The following PIK3CG variants were observed in gnomAD, a reference collection of about 807,000 sequenced individuals.
The protein encoded by PIK3CG is phosphatidylinositol 4,5-bisphosphate 3-kinase catalytic subunit gamma isoform.
A neutral mutation model predicts 102.3 loss-of-function variants in PIK3CG; 55 were observed. The ratio of observed to expected loss-of-function variants is 0.54; its 90% CI spans 0.43 to 0.67. PIK3CG has a LOEUF of 0.67. PIK3CG is among the 30% of genes least tolerant of loss of function. The pLI is 0.00. For missense variants in PIK3CG, 1,258 were observed against 1,391.8 expected, an observed-to-expected ratio of 0.90 and a Z score of 1.53; for synonymous variants, 552 against 540.0, an observed-to-expected ratio of 1.02 and a Z score of -0.31.
intron 10 of PIK3CG, among the ~76,000 whole-genome samples, chr7:106,900,659 C>A (rs764213666): frequency 1.3e-4 from 20 of 152,254 alleles, no homozygotes; most frequent in South Asian, 4.2e-4. Context: ...TGACACTGGT[C>A]TGTGTGTTTA....
intron 5 of PIK3CG, among the ~76,000 whole-genome samples, chr7:106,876,382 A>T (rs1161947801): frequency 1.4e-5 from 2 of 145,554 alleles, no homozygotes; most frequent in Non-Finnish European, 3.0e-5. Flanking sequence ...CCAGTTTTTT[A>T]GGTGGGTTGC....
Position 106,891,222 on chromosome 7 carries a change from G to T in PIK3CG, c.3030+4930G>T, listed in dbSNP as rs543332701. ...TGGATCAAACTGGATAACCTCTGGG[G>T]TGTCTTCCTTCCATATCATACATTG... On this transcript the variant is annotated intron_variant, in intron 10 of 10. Coordinates refer to ENST00000496166, the MANE Select transcript of PIK3CG (RefSeq NM_001282426.2). The surrounding 1 kb of genome is among the most constrained non-coding windows in gnomAD (Gnocchi z 4.4). Among the ~76,000 whole-genome samples, 4 of 152,240 alleles carry T rather than the reference G, an allele frequency of 2.6e-5. No individual in the cohort carries two copies. The highest frequency in any genetic ancestry group is 4.2e-4 in the South Asian group (2 of 4,814).
intron 7 of PIK3CG, 88 bp from the exon 8 acceptor site, chr7:106,882,945 C>A (rs2116542301): frequency 1.1e-6 from 1 of 935,682 alleles, no homozygotes; most frequent in Non-Finnish European, 1.6e-6. Flanking sequence ...AAACCCTCTG[C>A]CCTTCACTCA....
In PIK3CG at chr7:106,892,072, C is replaced by T. The variant is rs888787939; in HGVS notation, c.3030+5780C>T. ...CACCAGAGGTCTCTCTGTTTGTTAC[C>T]CAGCTGCTAGAACTAGGGCCCTAAT... is the stretch of plus-strand genomic sequence containing the variant. On this transcript the variant is annotated intron_variant, in intron 10 of 10. Transcript: ENST00000496166. This position sits in a 1 kb window ranked among gnomAD's most constrained non-coding sequence, Gnocchi z 5.2. Among the ~76,000 whole-genome samples, 5 of 151,786 alleles carry T rather than the reference C, an allele frequency of 3.3e-5. No individual in the cohort carries two copies. Among genetic ancestry groups the T allele is most frequent in the Admixed American group, 3.3e-4 (5 of 15,234 alleles).
chr7:106,876,460 C>A (rs547941876), intron 5 of PIK3CG, among the ~76,000 whole-genome samples: 54 of 150,206 alleles, frequency 3.6e-4, no homozygotes, highest in African/African-American at 1.3e-3. Context: ...GGCACGATCT[C>A]GGCTCACTGC....
At chr7:106,873,020 C>G (rs1272664832) in intron 4 of PIK3CG, 82 bp downstream of exon 4, 1 of 1,077,558 alleles carries the variant, frequency 9.3e-7, no homozygotes, top group Non-Finnish European at 1.4e-6. Context: ...CTTTTTCTTC[C>G]TGGAATCCAA....
In PIK3CG at chr7:106,899,924, A is replaced by G. The variant is rs1308044921; in HGVS notation, c.3031-5185A>G. ...AATTTTTTAGAATAGCTTATATAGG[A>G]AGGGTACCAGCTCTTCTTTGTACAT... On this transcript the variant is annotated intron_variant, in intron 10 of 10. Coordinates refer to ENST00000496166, the MANE Select transcript of PIK3CG (RefSeq NM_001282426.2). This position sits in a 1 kb window ranked among gnomAD's most constrained non-coding sequence, Gnocchi z 4.6. Among the ~76,000 whole-genome samples, 2 of 152,136 alleles carry G rather than the reference A, an allele frequency of 1.3e-5. No individual in the cohort carries two copies. The highest frequency in any genetic ancestry group is 2.9e-5 in the Non-Finnish European group (2 of 68,020).
rs887719563 is a variant in PIK3CG, at chr7:106,878,135, G to A, written c.2392-1384G>A. On this transcript the variant is annotated intron_variant, in intron 5 of 10. Transcript: ENST00000496166. Reference sequence around the variant, plus strand: ...CACTTTTTATTCTGCTTTCATTTTTGAAAAATATTTTCCCTGAATATGGAA... The same window carrying A: ...CACTTTTTATTCTGCTTTCATTTTTAAAAAATATTTTCCCTGAATATGGAA... Among the ~76,000 whole-genome samples the A allele has an allele frequency of 5.3e-5, 8 of 151,850 alleles. No homozygotes were observed. In the East Asian group the frequency reaches 1.5e-3, roughly 29 times the overall value.
At chr7:106,870,856 T>C (rs1278502803) in intron 2 of PIK3CG, among the ~76,000 whole-genome samples, 1 of 152,316 alleles carries the variant, frequency 6.6e-6, no homozygotes, top group East Asian at 1.9e-4. Flanking sequence ...TATTCAGTAG[T>C]TTTTTCACTA....
rs1426113183 is a variant in PIK3CG at position 106,903,756 on chromosome 7, A to C, written c.3031-1353A>C. 1.3e-5 allele frequency among the ~76,000 whole-genome samples: 2 copies of C among 151,192 alleles called. No homozygotes were observed. Among genetic ancestry groups the C allele is most frequent in the Non-Finnish European group, 2.9e-5 (2 of 67,798 alleles). On this transcript the variant is annotated intron_variant, in intron 10 of 10. Coordinates refer to ENST00000496166, the MANE Select transcript of PIK3CG (RefSeq NM_001282426.2). This position sits in a 1 kb window ranked among gnomAD's most constrained non-coding sequence, Gnocchi z 4.3. ...TTTTCTGATTTTATTTTTTTTATTT[A>C]TTTATTTATTTATTTATTTAGAGAC...
Position 106,874,814 on chromosome 7 carries a change from C to G in PIK3CG, c.2391+11C>G, listed in dbSNP as rs1469305938. 1 of 1,552,598 alleles carries G rather than the reference C, an allele frequency of 6.4e-7. No homozygotes were observed. The highest frequency in any genetic ancestry group is 1.1e-5 in the South Asian group (1 of 89,558). On this transcript the variant is annotated intron_variant, in intron 5 of 10. Coordinates refer to ENST00000496166, the MANE Select transcript of PIK3CG (RefSeq NM_001282426.2). The surrounding 1 kb of genome is among the most constrained non-coding windows in gnomAD (Gnocchi z 4.3). Reference sequence around the variant, plus strand: ...GCAGGAGCGCTGGCAGTAGGTATCACTTGGATGTCTCCATGTGGTCTTTAT... The same window carrying G: ...GCAGGAGCGCTGGCAGTAGGTATCAGTTGGATGTCTCCATGTGGTCTTTAT...
At position 106,869,371 on chromosome 7, in the gene PIK3CG, G is replaced by A. The variant is rs1253926533; in HGVS notation, c.1810G>A (p.Val604Met). 3 of 1,614,264 alleles carry A rather than the reference G, an allele frequency of 1.9e-6. No homozygotes were observed. The East Asian group carries it at 6.7e-5, about 36-fold the overall frequency. The change falls in exon 2 of 11, where the codon GTG (valine) becomes ATG (methionine). Residue 604 changes from valine to methionine, a missense_variant. Val to Met is a conservative substitution (Grantham distance 21, BLOSUM62 1). This residue lies in a region of PIK3CG where 426 missense variants were observed against 604.2 expected (regional missense o/e 0.71). Coordinates refer to ENST00000496166, the MANE Select transcript of PIK3CG (RefSeq NM_001282426.2). This position sits in a 1 kb window ranked among gnomAD's most constrained non-coding sequence, Gnocchi z 5.3. ...AGTGAAATGGGGACAGCAAGAAATT[G>A]TGGCCAAAACATACCAATTGTTGGC... ...SSVKWGQQEI[V>M]AKTYQLLARR...
In PIK3CG at chr7:106,868,340, A is replaced by C; in HGVS notation, c.779A>C (p.Asp260Ala). 1 of 1,614,220 alleles carries C rather than the reference A, an allele frequency of 6.2e-7. No individual in the cohort carries two copies. The highest frequency in any genetic ancestry group is 8.5e-7 in the Non-Finnish European group (1 of 1,180,036). ...ATGGCCAAGAAGAAATCTCTGATGG[A>C]TATTCCCGAAAGCCAAAGCGAACAG... Reference protein sequence around the residue: ...TKMAKKKSLMDIPESQSEQDF... With the variant: ...TKMAKKKSLMAIPESQSEQDF... The change falls in exon 2 of 11, where the codon GAT becomes GCT. Residue 260 changes from aspartate to alanine, a missense_variant. Transcript: ENST00000496166. This position sits in a 1 kb window ranked among gnomAD's most constrained non-coding sequence, Gnocchi z 6.2.
intron 5 of PIK3CG, among the ~76,000 whole-genome samples, chr7:106,878,547 G>A (rs1385735625): frequency 6.6e-6 from 1 of 152,168 alleles, no homozygotes; most frequent in Non-Finnish European, 1.5e-5. Context: ...ACAGCCCCCA[G>A]GCAGTAATCT....
intron 10 of PIK3CG, among the ~76,000 whole-genome samples, chr7:106,900,345 T>A (rs969458337): frequency 6.6e-6 from 1 of 152,206 alleles, no homozygotes; most frequent in Non-Finnish European, 1.5e-5. Context: ...TCTTTGTTAG[T>A]TTGAAATCTG....
chr7:106,869,255 A>G lies in PIK3CG; in HGVS notation c.1694A>G (p.Asn565Ser), dbSNP rs1490092398. ...LEAIIATDPL[N>S]PLTAEDKELL... ...GCGATCATAGCCACTGATCCACTTAACCCTCTCACAGCAGAGGACAAAGAA... is the reference window on the plus strand; with the variant it reads ...GCGATCATAGCCACTGATCCACTTAGCCCTCTCACAGCAGAGGACAAAGAA... The change falls in exon 2 of 11, where the codon AAC becomes AGC. Residue 565 changes from asparagine (N) to serine (S), a missense_variant. Physicochemically the swap from Asn to Ser is conservative, Grantham distance 46. Coordinates refer to ENST00000496166, the MANE Select transcript of PIK3CG (RefSeq NM_001282426.2). This position sits in a 1 kb window ranked among gnomAD's most constrained non-coding sequence, Gnocchi z 5.3. 6.2e-7 allele frequency: 1 copy of G among 1,614,164 alleles called. No individual in the cohort carries two copies. The highest frequency in any genetic ancestry group is 1.7e-5 in the Admixed American group (1 of 60,022).
At chr7:106,876,160 C>T (rs1478246357) in intron 5 of PIK3CG, among the ~76,000 whole-genome samples, 2 of 150,484 alleles carry the variant, frequency 1.3e-5, no homozygotes, top group African/African-American at 4.9e-5. Context: ...ATGATCCACC[C>T]GCCTCGGCCT....
In PIK3CG at chr7:106,907,880, G is replaced by A. The variant is rs1277144863; in HGVS notation, c.*2493G>A. 4.9e-5 allele frequency among the ~76,000 whole-genome samples: 7 copies of A among 143,878 alleles called. No individual in the cohort carries two copies. Among genetic ancestry groups the A allele is most frequent in the East Asian group, 2.1e-4 (1 of 4,830 alleles). 94.4% of individuals were successfully genotyped at this position (143,878 alleles called of 152,430 possible). A position where few individuals can be genotyped will look rare whatever the true frequency, so the allele number is the denominator to read the frequency against. On this transcript the variant is annotated 3_prime_UTR_variant, in exon 11 of 11. Transcript: ENST00000496166. ...TATCACAGTTGGGCTTGATTCTTCC[G>A]TATTCCAAAGAGCATAATTTCAGTT...
rs765204428 is a variant in PIK3CG, at chr7:106,905,232, C to T, written c.3154C>T (p.Arg1052Trp). Residue 1052 changes from arginine (R) to tryptophan (W), a missense_variant, in exon 11 of 11, where the codon CGG becomes TGG. By Grantham distance (101) the Arg-to-Trp change is moderately radical. Around this residue, in one of 2 missense-constraint regions of PIK3CG, gnomAD observed 426 missense variants for 604.2 expected, o/e 0.71. Transcript: ENST00000496166. This position sits in a 1 kb window ranked among gnomAD's most constrained non-coding sequence, Gnocchi z 5.6. ...LTSKEDIEYI[R>W]DALTVGKNEE... ...AAGCAAAGAAGACATTGAATATATC[C>T]GGGATGCCCTCACAGTGGGGAAAAA... The T allele has an allele frequency of 8.1e-6, 13 of 1,613,952 alleles. No individual in the cohort carries two copies. Among genetic ancestry groups the T allele is most frequent in the African/African-American group, 1.3e-5 (1 of 74,910 alleles).
Sources: allele counts gnomAD v4.1 joint callset (sites outside exome capture counted in the v4.1 genomes callset), GRCh38; gene constraint gnomAD v4.1.1; regional missense constraint gnomAD v4.1.1; non-coding constraint Gnocchi (gnomAD v3.1); transcripts MANE v1.5; gene names NCBI Gene and HGNC (gene_info 2026-07-23, HGNC 2026-07-21).